Variants in FOLH1 observed in about 807,000 individuals in gnomAD.
The protein encoded by FOLH1 is folate hydrolase 1.
FOLH1 carries 54 observed loss-of-function variants against 93.9 expected under a neutral mutation model. The ratio of observed to expected loss-of-function variants is 0.57; its 90% CI spans 0.46 to 0.72. The LOEUF is 0.72. Among genes scored for constraint, FOLH1 ranks in the 30% least tolerant of loss-of-function variants. FOLH1 has a pLI of 0.00. For synonymous variants in FOLH1, 249 were observed against 303.6 expected (o/e 0.82, Z 1.87); for missense variants, 571 against 892.5 (o/e 0.64, Z 4.59).
chr11:49,162,370 T>C (rs536851450), intron 13 of FOLH1, among the ~76,000 whole-genome samples: 40 of 152,332 alleles, frequency 2.6e-4, no homozygotes, highest in African/African-American at 8.7e-4. Flanking sequence ...AAGACAGTCT[T>C]CAACTCTAAG....
At chr11:49,197,083 A>G (rs1862703512) in intron 3 of FOLH1, among the ~76,000 whole-genome samples, 1 of 152,206 alleles carries the variant, frequency 6.6e-6, no homozygotes. Context: ...CACATGAGAA[A>G]TGAACTCATC....
chr11:49,173,317 C>A, intron 10 of FOLH1, 40 bp downstream of exon 10: 1 of 1,590,248 alleles, frequency 6.3e-7, no homozygotes, highest in Middle Eastern at 1.7e-4. Context: ...AACTGAGACT[C>A]AGATAGGCTG....
rs78642973 is a variant in FOLH1, at chr11:49,185,305, G to T, written c.826+364C>A. ...AGTCTGTTTATATTCCTTATTCCCC[G>T]CCCCCCACTTACTACTTAGCGTAAG... On this transcript the variant is annotated intron_variant, in intron 6 of 18. Transcript: ENST00000256999. Among the ~76,000 whole-genome samples the T allele has an allele frequency of 8.5e-3, 1,286 of 151,882 alleles. 18 individuals carry two copies. Among genetic ancestry groups the T allele is most frequent in the African/African-American group, 0.03 (1,239 of 41,386 alleles).
chr11:49,167,915 CA>C (rs1437547789), intron 12 of FOLH1, among the ~76,000 whole-genome samples: 1 of 53,704 alleles, frequency 1.9e-5, no homozygotes, highest in Non-Finnish European at 3.4e-5. Context: ...AAAACACACA[CA>C]AAAAAACCAG....
At chr11:49,161,375 C>T (rs1293717201) in intron 13 of FOLH1, among the ~76,000 whole-genome samples, 10 of 152,166 alleles carry the variant, frequency 6.6e-5, no homozygotes, top group African/African-American at 2.2e-4. Flanking sequence ...TTTACCGTTA[C>T]GTGATGCCCT....
At chr11:49,169,015 G>C (rs1431275895) in intron 12 of FOLH1, among the ~76,000 whole-genome samples, 180 bp downstream of exon 12, 1 of 152,150 alleles carries the variant, frequency 6.6e-6, no homozygotes, top group Non-Finnish European at 1.5e-5. Context: ...AGAAACACCT[G>C]TTCACCTAGG....
chr11:49,183,655 A>G (rs1861044593), intron 6 of FOLH1, among the ~76,000 whole-genome samples: 1 of 152,240 alleles, frequency 6.6e-6, no homozygotes, highest in Non-Finnish European at 1.5e-5. Flanking sequence ...AATCCGTAGT[A>G]TAATCCCACA....
intron 7 of FOLH1, among the ~76,000 whole-genome samples, chr11:49,182,744 C>T (rs1235330174): frequency 6.6e-6 from 1 of 152,024 alleles, no homozygotes; most frequent in African/African-American, 2.4e-5. Context: ...TCAAGGAGTC[C>T]CTGGGCCAAA....
intron 2 of FOLH1, among the ~76,000 whole-genome samples, chr11:49,200,649 G>A (rs1019733156): frequency 5.3e-5 from 8 of 152,030 alleles, no homozygotes; most frequent in Admixed American, 2.6e-4. Context: ...GAGAAAAATC[G>A]GAGAAACTGA....
chr11:49,158,028 C>A lies in FOLH1; in HGVS notation c.1456G>T (p.Glu486Ter), dbSNP rs748659279. 5 of 1,581,186 alleles carry A rather than the reference C, an allele frequency of 3.2e-6. No individual in the cohort carries two copies. In the Admixed American group the frequency reaches 9.2e-5, roughly 29 times the overall value. ...NLTKELKSPD[E>*]GFEGKSLYES... ...TAAAGAGATTTGCCTTCAAAGCCTT[C>A]ATCAGGGCTTTTCAGCTACACAAAT... The change falls in exon 14 of 19, where the codon GAA becomes TAA. Residue 486 changes from glutamate to a stop codon, truncating the protein, a stop_gained. Coordinates refer to ENST00000256999, the MANE Select transcript of FOLH1 (RefSeq NM_004476.3). LOFTEE classifies it high-confidence loss of function.
At chr11:49,182,328 C>CAAAA (rs59966842) in intron 7 of FOLH1, among the ~76,000 whole-genome samples, 2,698 of 59,492 alleles carry the variant, frequency 0.045, 519 homozygotes, top group Admixed American at 0.076. Context: ...GACACTGTCT[C>CAAAA]AAAAAAAAAA....
chr11:49,158,869 T>C (rs1857315949), intron 13 of FOLH1, among the ~76,000 whole-genome samples: 1 of 152,178 alleles, frequency 6.6e-6, no homozygotes, highest in East Asian at 1.9e-4. Context: ...GCTGTATTCA[T>C]AGGTATTTTG....
At chr11:49,179,568 G>T (rs1333081320) in intron 7 of FOLH1, among the ~76,000 whole-genome samples, 1 of 152,078 alleles carries the variant, frequency 6.6e-6, no homozygotes, top group Non-Finnish European at 1.5e-5. Context: ...TGAAAATGAA[G>T]ACACAACATA....
chr11:49,187,121 A>G (rs912412278), intron 4 of FOLH1, among the ~76,000 whole-genome samples: 11 of 152,214 alleles, frequency 7.2e-5, no homozygotes, highest in African/African-American at 2.7e-4. Context: ...TAGGCTAAGA[A>G]GCCCTTAATG....
chr11:49,147,532 G>T (rs1855908097), intron 18 of FOLH1, among the ~76,000 whole-genome samples: 1 of 151,628 alleles, frequency 6.6e-6, no homozygotes, highest in African/African-American at 2.4e-5. Context: ...AAACAATTTT[G>T]TAATGTTCCA....
At chr11:49,191,686 G>GT (rs1265389134) in intron 4 of FOLH1, among the ~76,000 whole-genome samples, 1 of 151,826 alleles carries the variant, frequency 6.6e-6, no homozygotes, top group African/African-American at 2.4e-5. Flanking sequence ...CGGTTTAACT[G>GT]TTTTTTCTTT....
At chr11:49,184,765 T>C (rs1861181975) in intron 6 of FOLH1, among the ~76,000 whole-genome samples, 1 of 152,248 alleles carries the variant, frequency 6.6e-6, no homozygotes, top group African/African-American at 2.4e-5. Flanking sequence ...TTTAGTTAGC[T>C]TTAAACCACA....
chr11:49,171,102 A>G (rs562860148), intron 11 of FOLH1, 93 bp downstream of exon 11: 198 of 1,351,958 alleles, frequency 1.5e-4, no homozygotes, highest in Middle Eastern at 1.4e-3. Flanking sequence ...ATACTTTCTC[A>G]TTATATTCAC....
Position 49,208,451 on chromosome 11 carries a change from G to A in FOLH1, c.-42C>T. The A allele has an allele frequency of 1.4e-6, 2 of 1,429,422 alleles. No homozygotes were observed. The highest frequency in any genetic ancestry group is 9.7e-7 in the Non-Finnish European group (1 of 1,036,054). 88.5% of individuals were successfully genotyped at this position (1,429,422 alleles called of 1,614,324 possible). On this transcript the variant is annotated 5_prime_UTR_variant, in exon 1 of 19. Transcript: ENST00000256999. ...CCGGCCTCCCGGGACCCGCGCCTGTGCTGCTGCTCTACTGCGCGCCCTCCA... is the reference window on the plus strand; with the variant it reads ...CCGGCCTCCCGGGACCCGCGCCTGTACTGCTGCTCTACTGCGCGCCCTCCA...
Sources: allele counts gnomAD v4.1 joint callset (sites outside exome capture counted in the v4.1 genomes callset), GRCh38; gene constraint gnomAD v4.1.1; transcripts MANE v1.5; gene names NCBI Gene and HGNC (gene_info 2026-07-23, HGNC 2026-07-21).